GABRA3: variants seen among roughly 807,000 people sequenced by gnomAD.
GABRA3 encodes gamma-aminobutyric acid type A receptor subunit alpha3, also known as gamma-aminobutyric acid receptor subunit alpha-3.
Under a neutral mutation model 30.1 loss-of-function variants are expected in GABRA3, and 10 were observed. The ratio of observed to expected loss-of-function variants is 0.33; its 90% CI spans 0.20 to 0.56. The LOEUF (loss-of-function observed/expected upper bound fraction) is 0.56. GABRA3 is among the 20% of genes least tolerant of loss of function. GABRA3 has a pLI of 0.89. For missense variants in GABRA3, 233 were observed against 392.0 expected (o/e 0.59, Z 3.42); for synonymous variants, 151 against 146.8 (o/e 1.03, Z -0.21).
At chrX:152,447,613 C>T (rs1215340661) in intron 1 of GABRA3, among the ~76,000 whole-genome samples, 1 of 112,227 alleles carries the variant, frequency 8.9e-6, no homozygotes, top group African/African-American at 3.2e-5. Context: ...GCCCTTCACC[C>T]ACTTGGAATA....
chrX:152,179,111 C>CTGCA (rs1937111516), intron 9 of GABRA3, among the ~76,000 whole-genome samples: 1 of 111,906 alleles, frequency 8.9e-6, no homozygotes, highest in African/African-American at 3.2e-5. Flanking sequence ...AATTTGCTTG[C>CTGCA]TGCACAGTTG....
chrX:152,275,104 T>C (rs1267828865), intron 4 of GABRA3, among the ~76,000 whole-genome samples: 1 of 85,666 alleles, frequency 1.2e-5, no homozygotes, highest in East Asian at 3.5e-4. Context: ...ACATGTATCA[T>C]ATATTATTTA....
chrX:152,196,974 T>C (rs1267657548), intron 8 of GABRA3, among the ~76,000 whole-genome samples: 2 of 112,500 alleles, frequency 1.8e-5, no homozygotes, highest in African/African-American at 6.5e-5. Flanking sequence ...AAAGGTATCA[T>C]TGCCATGGAG....
intron 1 of GABRA3, 137 bp from the exon 2 acceptor site, chrX:152,364,733 T>G (rs1928607410): frequency 4.7e-6 from 2 of 428,624 alleles, no homozygotes; most frequent in Admixed American, 4.5e-5. Flanking sequence ...TAGTGTCTAG[T>G]TACTCAGTGC....
chrX:152,197,595 A>G, intron 8 of GABRA3, 38 bp downstream of exon 8: 1 of 1,152,841 alleles, frequency 8.7e-7, no homozygotes, highest in Non-Finnish European at 1.2e-6. Flanking sequence ...ACTCTGCATG[A>G]TAAGACTTTC....
At chrX:152,429,434 C>G (rs1930598689) in intron 1 of GABRA3, among the ~76,000 whole-genome samples, 1 of 110,977 alleles carries the variant, frequency 9.0e-6, no homozygotes, top group South Asian at 3.8e-4. Context: ...GATTGCTTTA[C>G]TCCCTTGCTT....
rs548510008 is a variant in GABRA3, at chrX:152,319,409, C to A, written c.262+26172G>T. Among the ~76,000 whole-genome samples the A allele has an allele frequency of 2.7e-5, 3 of 111,387 alleles. No homozygotes were observed. In the South Asian group the frequency reaches 1.1e-3, roughly 42 times the overall value. On this transcript the variant is annotated intron_variant, in intron 3 of 9. Transcript: ENST00000370314. Reference sequence around the variant, plus strand: ...AGACCAATGGGACAAAATAGAGAACCCAGAAATAAACTTAAATACTTACAG... The same window carrying A: ...AGACCAATGGGACAAAATAGAGAACACAGAAATAAACTTAAATACTTACAG...
intron 9 of GABRA3, chrX:152,186,970 G>T (rs1603202908): frequency 9.0e-6 from 1 of 111,172 alleles, no homozygotes; most frequent in African/African-American, 3.3e-5. Context: ...GACATTTTCT[G>T]GTCCACTAGT....
At chrX:152,320,982 G>C (rs1000451015) in intron 3 of GABRA3, among the ~76,000 whole-genome samples, 1 of 111,541 alleles carries the variant, frequency 9.0e-6, no homozygotes, top group African/African-American at 3.3e-5. Flanking sequence ...TTTCTCTGTT[G>C]CCTGATTATT....
At chrX:152,299,183 A>C (rs1293558987) in intron 3 of GABRA3, among the ~76,000 whole-genome samples, 2 of 110,891 alleles carry the variant, frequency 1.8e-5, no homozygotes, top group Non-Finnish European at 3.8e-5. Context: ...AAAAAGAAAC[A>C]AAAAAAAGGA....
chrX:152,305,140 T>C (rs957949289), intron 3 of GABRA3, among the ~76,000 whole-genome samples: 2 of 111,299 alleles, frequency 1.8e-5, no homozygotes, highest in Non-Finnish European at 1.9e-5. Context: ...CAATCCATCA[T>C]AGATGAGCAC....
chrX:152,183,443 C>A (rs1382339297), intron 9 of GABRA3, among the ~76,000 whole-genome samples: 1 of 108,761 alleles, frequency 9.2e-6, no homozygotes, highest in Admixed American at 9.9e-5. Flanking sequence ...TTTGAGTCTT[C>A]TCTCCTTTTT....
chrX:152,348,438 T>C (rs1422700530), intron 2 of GABRA3, among the ~76,000 whole-genome samples: 1 of 111,774 alleles, frequency 8.9e-6, no homozygotes, highest in African/African-American at 3.2e-5. Context: ...AATATGATAA[T>C]AATAATAATT....
chrX:152,329,510 C>T (rs1367349115), intron 3 of GABRA3, among the ~76,000 whole-genome samples: 4 of 111,400 alleles, frequency 3.6e-5, no homozygotes, highest in African/African-American at 6.5e-5. Context: ...TATAGACCAA[C>T]GGATCAGAAC....
chrX:152,402,968 A>C (rs954796235), intron 1 of GABRA3, among the ~76,000 whole-genome samples: 1 of 112,155 alleles, frequency 8.9e-6, no homozygotes, highest in African/African-American at 3.2e-5. Context: ...GTTACATTTT[A>C]GTGAAAACTT....
At chrX:152,236,172 G>A in intron 5 of GABRA3, among the ~76,000 whole-genome samples, 1 of 82,143 alleles carries the variant, frequency 1.2e-5, no homozygotes, top group East Asian at 3.9e-4. Context: ...AGTCCCCAGA[G>A]TGTGATATTC....
At chrX:152,299,650 C>T (rs2124452012) in intron 3 of GABRA3, among the ~76,000 whole-genome samples, 1 of 111,600 alleles carries the variant, frequency 9.0e-6, no homozygotes, top group Admixed American at 9.5e-5. Context: ...TAAAACAAAA[C>T]TGAACTGGTT....
chrX:152,333,104 GA>G lies in GABRA3; in HGVS notation c.262+12476del, dbSNP rs937408634. ...GTGATCCTTGGCATTGCTTAGAGGC[GA>G]AAGATCTGGGTGTGATCCTGGTAGA... On this transcript the variant is annotated intron_variant, in intron 3 of 9. Coordinates refer to ENST00000370314, the MANE Select transcript of GABRA3 (RefSeq NM_000808.4). 1.8e-4 allele frequency among the ~76,000 whole-genome samples: 20 copies of G among 111,585 alleles called. 1 individual carries two copies. The highest frequency in any genetic ancestry group is 5.9e-4 in the African/African-American group (18 of 30,655).
In GABRA3 at chrX:152,393,449, A is replaced by C. The variant is rs201825982; in HGVS notation, c.-26-28853T>G. The C allele has an allele frequency of 1.6e-4, 59 of 380,333 alleles. No homozygotes were observed. In the Middle Eastern group the frequency reaches 6.9e-3, roughly 44 times the overall value. The allele number at this position is 380,333 out of a possible 1,213,427, so 31.3% of individuals were successfully genotyped here. On this transcript the variant is annotated intron_variant, in intron 1 of 9. Transcript: ENST00000370314. ...GTAGACAATGAAGGTTCCTGCTCAGAAACCATGGGGTATGAGCAGACAAGC... is the reference window on the plus strand; with the variant it reads ...GTAGACAATGAAGGTTCCTGCTCAGCAACCATGGGGTATGAGCAGACAAGC...
Sources: gnomAD v4.1 joint callset for allele counts (sites outside exome capture counted in the v4.1 genomes callset) on GRCh38, gnomAD v4.1.1 for gene constraint, MANE v1.5 for transcripts, NCBI Gene and HGNC (gene_info 2026-07-23, HGNC 2026-07-21) for gene names.